Variants in COLGALT2 observed in about 807,000 individuals in gnomAD.
The protein encoded by COLGALT2 is collagen beta(1-O)galactosyltransferase 2.
Under a neutral mutation model 73.4 loss-of-function variants are expected in COLGALT2, and 49 were observed. The ratio of observed to expected loss-of-function variants is 0.67; its 90% CI spans 0.53 to 0.85. COLGALT2 has a LOEUF of 0.85. Among genes scored for constraint, COLGALT2 ranks in the 40% least tolerant of loss-of-function variants. The probability of loss-of-function intolerance (pLI) is 0.00; values close to 1 mark genes in which losing one functional copy is unlikely to be tolerated. For synonymous variants in COLGALT2, 295 were observed against 307.6 expected (o/e 0.96, Z 0.43); for missense variants, 722 against 790.2 (o/e 0.91, Z 1.03).
At chr1:184,002,144 T>G (rs1446414889) in intron 1 of COLGALT2, among the ~76,000 whole-genome samples, 1 of 152,250 alleles carries the variant, frequency 6.6e-6, no homozygotes, top group Non-Finnish European at 1.5e-5. Flanking sequence ...GTGCTCACTG[T>G]ACATCCATCC....
chr1:183,998,455 T>C (rs1671827539), intron 1 of COLGALT2, among the ~76,000 whole-genome samples: 1 of 152,208 alleles, frequency 6.6e-6, no homozygotes, highest in Non-Finnish European at 1.5e-5. Context: ...GTTGCAAAAA[T>C]GATTTCCCAC....
intron 11 of COLGALT2, chr1:183,930,340 A>G: frequency 4.4e-6 from 2 of 454,952 alleles, no homozygotes; most frequent in Non-Finnish European, 8.8e-6. Flanking sequence ...GAAAGGAGAA[A>G]ATACTAGAAA....
At chr1:184,020,724 T>G (rs545784949) in intron 1 of COLGALT2, among the ~76,000 whole-genome samples, 7 of 152,338 alleles carry the variant, frequency 4.6e-5, no homozygotes, top group Admixed American at 3.9e-4. Flanking sequence ...ATCATCTGTC[T>G]TTCCCAGTGC....
In COLGALT2 at chr1:184,037,076, G is replaced by A; in HGVS notation, c.263+19C>T. 2 of 1,532,886 alleles carry A rather than the reference G, an allele frequency of 1.3e-6. No homozygotes were observed. The highest frequency in any genetic ancestry group is 1.7e-6 in the Non-Finnish European group (2 of 1,147,056). 95.0% of individuals were successfully genotyped at this position (1,532,886 alleles called of 1,614,324 possible). On this transcript the variant is annotated intron_variant, in intron 1 of 11. Coordinates refer to ENST00000361927, the MANE Select transcript of COLGALT2 (RefSeq NM_015101.4). ...CCCCCGCGTCCCGCCGCGGCGGCCC[G>A]GGGCCCGTGCGCGCTCACCAGATGG...
chr1:183,969,294 G>A lies in COLGALT2; in HGVS notation c.807C>T (p.Val269=), dbSNP rs999276759. 6.2e-7 allele frequency: 1 copy of A among 1,612,930 alleles called. No individual in the cohort carries two copies. Residue 269 remains valine (V), a synonymous_variant, in exon 5 of 12, where the codon GTC becomes GTT. Transcript: ENST00000361927. The stretch of plus-strand genomic sequence containing the variant: ...CTGCTTGCCTGCTGGAGAAGGCAAA[G>A]ACAATGATGTCATCAAAGGTCCAGG... The part of the protein sequence containing the change: ...DYTWTFDDII[V]FAFSSRQAGI...
Position 183,975,187 on chromosome 1 carries a change from C to T in COLGALT2, c.402G>A (p.Lys134=), listed in dbSNP as rs771662681. 1.9e-6 allele frequency: 3 copies of T among 1,613,838 alleles called. No homozygotes were observed. Among genetic ancestry groups the T allele is most frequent in the African/African-American group, 2.7e-5 (2 of 74,914 alleles). The change falls in exon 3 of 12, where the codon AAG becomes AAA. Residue 134 remains lysine (K), a synonymous_variant. Transcript: ENST00000361927. ...GGGCAAACCGGGAGGTTGGCCAGTG[C>T]TTTGGTCCAATTTCATCAGGGTAAG... ...PESYPDEIGP[K]HWPTSRFAHV...
chr1:184,014,957 G>A (rs970598235), intron 1 of COLGALT2, among the ~76,000 whole-genome samples: 2 of 152,172 alleles, frequency 1.3e-5, no homozygotes, highest in African/African-American at 4.8e-5. Flanking sequence ...AGATCAGTGG[G>A]CAGCTGAGGG....
chr1:184,015,576 G>A lies in COLGALT2; in HGVS notation c.263+21519C>T, dbSNP rs186220864. ...CGCATGTTTGCACATCTTCTAATTT[G>A]GTGAAATGTAGACTGTTGTGCTCAC... On this transcript the variant is annotated intron_variant, in intron 1 of 11. Coordinates refer to ENST00000361927, the MANE Select transcript of COLGALT2 (RefSeq NM_015101.4). 6.6e-5 allele frequency among the ~76,000 whole-genome samples: 10 copies of A among 152,328 alleles called. No individual in the cohort carries two copies. The East Asian group carries it at 1.5e-3, about 23-fold the overall frequency.
In COLGALT2 at chr1:183,969,226, G is replaced by A. The variant is rs748983950; in HGVS notation, c.832+43C>T. The stretch of plus-strand genomic sequence containing the variant: ...ACAAAACAAAGGAGCTGGTCATTTT[G>A]CTGTGTCTCCATTGTGGCACTACAA... On this transcript the variant is annotated intron_variant, in intron 5 of 11. Transcript: ENST00000361927. The A allele has an allele frequency of 3.3e-5, 48 of 1,466,744 alleles. 1 individual carries two copies. The South Asian group carries it at 6.1e-4, about 19-fold the overall frequency. The allele number at this position is 1,466,744 out of a possible 1,614,324, so 90.9% of individuals were successfully genotyped here.
rs766936012 is a variant in COLGALT2 at position 183,936,124 on chromosome 1, C to A, written c.*2637G>T. 1.0e-6 allele frequency: 1 copy of A among 985,576 alleles called. No homozygotes were observed. Among genetic ancestry groups the A allele is most frequent in the Non-Finnish European group, 1.2e-6 (1 of 830,168 alleles). 61.1% of individuals were successfully genotyped at this position (985,576 alleles called of 1,614,324 possible). A position where few individuals can be genotyped will look rare whatever the true frequency, so the allele number is the denominator to read the frequency against. On this transcript the variant is annotated 3_prime_UTR_variant, in exon 12 of 12. Transcript: ENST00000361927. ...CGTTAGATCCCAAGAGAAATCCAGA[C>A]AGGGTTTAGCCTCCAGAGGCAGAGA...
chr1:184,003,910 C>CA lies in COLGALT2; in HGVS notation c.264-25391dup, dbSNP rs544117548. Among the ~76,000 whole-genome samples the CA allele has an allele frequency of 5.3e-5, 8 of 152,208 alleles. No individual in the cohort carries two copies. The South Asian group carries it at 1.7e-3, about 32-fold the overall frequency. The stretch of plus-strand genomic sequence containing the variant: ...CCCACTGAGCACATGTGAAAAAGTC[C>CA]AAAGAAGACGAAGAGGATATTCCAG... On this transcript the variant is annotated intron_variant, in intron 1 of 11. Coordinates refer to ENST00000361927, the MANE Select transcript of COLGALT2 (RefSeq NM_015101.4).
chr1:184,018,584 G>T (rs1178302106), intron 1 of COLGALT2, among the ~76,000 whole-genome samples: 1 of 152,030 alleles, frequency 6.6e-6, no homozygotes, highest in Non-Finnish European at 1.5e-5. Flanking sequence ...TTTTTTCATT[G>T]CTAATAAAAT....
At chr1:183,966,380 A>G (rs1346643224) in intron 5 of COLGALT2, among the ~76,000 whole-genome samples, 1 of 152,210 alleles carries the variant, frequency 6.6e-6, no homozygotes, top group African/African-American at 2.4e-5. Flanking sequence ...CTCATATAGT[A>G]CCTTAACATT....
chr1:184,003,396 G>A (rs1337669965), intron 1 of COLGALT2, among the ~76,000 whole-genome samples: 1 of 152,160 alleles, frequency 6.6e-6, no homozygotes, highest in Non-Finnish European at 1.5e-5. Flanking sequence ...GAGAGACCAT[G>A]TGCTCTACTA....
intron 4 of COLGALT2, among the ~76,000 whole-genome samples, chr1:183,971,164 T>C (rs1462828108): frequency 6.6e-6 from 1 of 152,190 alleles, no homozygotes; most frequent in Admixed American, 6.5e-5. Context: ...TTGTTGGTAA[T>C]AATTCCTGTT....
rs200760355 is a variant in COLGALT2, at chr1:183,969,449, A to G, written c.652T>C (p.Tyr218His). ...CTCTTCCATTCTCGAATCTGAACGT[A>G]GTCTGGGGTCCTCTTATAGAAGCCC... ...PKGFYKRTPD[Y>H]VQIREWKRTG... Residue 218 changes from tyrosine (Y) to histidine (H), a missense_variant, in exon 5 of 12, where the codon TAC becomes CAC. Tyr to His is a moderately conservative substitution (Grantham distance 83). Coordinates refer to ENST00000361927, the MANE Select transcript of COLGALT2 (RefSeq NM_015101.4). 1.4e-5 allele frequency: 22 copies of G among 1,612,664 alleles called. No homozygotes were observed. The highest frequency in any genetic ancestry group is 4.0e-5 in the African/African-American group (3 of 74,840).
At chr1:184,027,944 C>T (rs556411798) in intron 1 of COLGALT2, among the ~76,000 whole-genome samples, 6 of 152,290 alleles carry the variant, frequency 3.9e-5, no homozygotes, top group Admixed American at 6.5e-5. Flanking sequence ...AATACTCTCC[C>T]GCCCAACCTG....
At chr1:184,000,331 A>G (rs1010555208) in intron 1 of COLGALT2, among the ~76,000 whole-genome samples, 10 of 151,906 alleles carry the variant, frequency 6.6e-5, no homozygotes, top group Non-Finnish European at 1.3e-4. Flanking sequence ...TGATTGATTG[A>G]TTGAGATGTT....
chr1:184,033,021 T>C lies in COLGALT2; in HGVS notation c.263+4074A>G, dbSNP rs1445131050. ...ATCCATAAAGCGGTTCCCAATTTAGTATGTTACTTTTCAAAACTCTGCCAA... is the reference window on the plus strand; with the variant it reads ...ATCCATAAAGCGGTTCCCAATTTAGCATGTTACTTTTCAAAACTCTGCCAA... On this transcript the variant is annotated intron_variant, in intron 1 of 11. Transcript: ENST00000361927. Among the ~76,000 whole-genome samples, 5 of 152,352 alleles carry C rather than the reference T, an allele frequency of 3.3e-5. No individual in the cohort carries two copies. The East Asian group carries it at 9.7e-4, about 29-fold the overall frequency.
Sources: allele counts gnomAD v4.1 joint callset (sites outside exome capture counted in the v4.1 genomes callset), GRCh38; gene constraint gnomAD v4.1.1; transcripts MANE v1.5; gene names NCBI Gene and HGNC (gene_info 2026-07-23, HGNC 2026-07-21).